DPYD: variants seen among roughly 807,000 people sequenced by gnomAD.
The protein encoded by DPYD is dihydropyrimidine dehydrogenase.
Under a neutral mutation model 116.2 loss-of-function variants are expected in DPYD, and 109 were observed. The ratio of observed to expected loss-of-function variants is 0.94; its 90% CI spans 0.80 to 1.10. The LOEUF (loss-of-function observed/expected upper bound fraction) is 1.10, where lower values mean the gene tolerates loss of function less well. Ranked by LOEUF, DPYD falls within the 50% of genes least tolerant of loss-of-function variation. The pLI is 0.00. For synonymous variants in DPYD, 440 were observed against 432.0 expected, an observed-to-expected ratio of 1.02 and a Z score of -0.23; for missense variants, 1,302 against 1,254.5, an observed-to-expected ratio of 1.04 and a Z score of -0.57.
At chr1:97,448,540 G>A (rs1338867393) in intron 14 of DPYD, among the ~76,000 whole-genome samples, 1 of 151,764 alleles carries the variant, frequency 6.6e-6, no homozygotes, top group Non-Finnish European at 1.5e-5. Flanking sequence ...TTATTATGTT[G>A]CATGTTCAGT....
At chr1:97,854,546 T>C (rs555592046) in intron 2 of DPYD, among the ~76,000 whole-genome samples, 26 of 152,230 alleles carry the variant, frequency 1.7e-4, no homozygotes, top group Admixed American at 3.3e-4. Context: ...TTCTGAACAC[T>C]AGCATGTAGA....
chr1:97,620,648 C>A (rs1656579247), intron 8 of DPYD, among the ~76,000 whole-genome samples: 1 of 152,148 alleles, frequency 6.6e-6, no homozygotes, highest in Admixed American at 6.6e-5. Flanking sequence ...TTCTGGATAT[C>A]TGGACAGGAA....
chr1:97,880,488 T>G (rs915508777), intron 2 of DPYD, among the ~76,000 whole-genome samples: 6 of 151,790 alleles, frequency 4.0e-5, no homozygotes, highest in Non-Finnish European at 7.4e-5. Context: ...CGAGAATAAC[T>G]TTCAACCCTA....
chr1:97,182,008 C>T (rs145671488), intron 20 of DPYD, among the ~76,000 whole-genome samples: 7 of 152,216 alleles, frequency 4.6e-5, no homozygotes, highest in African/African-American at 1.4e-4. Context: ...ATCCATGTAG[C>T]TGTTCCAAGC....
intron 16 of DPYD, among the ~76,000 whole-genome samples, chr1:97,313,497 C>CTGTGTG (rs58100703): frequency 0.063 from 9,359 of 148,650 alleles, 486 homozygotes; most frequent in East Asian, 0.18. Context: ...ACATGTGTGC[C>CTGTGTG]TGTGTGTGTG....
intron 5 of DPYD, among the ~76,000 whole-genome samples, chr1:97,701,436 C>T (rs1390982417): frequency 2.6e-5 from 4 of 151,470 alleles, no homozygotes; most frequent in African/African-American, 9.7e-5. Flanking sequence ...TAGAAGTGGC[C>T]AATGAATAAA....
rs1440762758 is a variant in DPYD at position 97,134,009 on chromosome 1, AAAAAAATATATATATATATATATAT to A, written c.2623-35402_2623-35378del. On this transcript the variant is annotated intron_variant, in intron 20 of 22. Coordinates refer to ENST00000370192, the MANE Select transcript of DPYD (RefSeq NM_000110.4). ...GCCAGACTCTGTTTCAAAAAAAAAA[AAAAAAATATATATATATATATATAT>A]ATATATATATATATATATATATATA... is the stretch of plus-strand genomic sequence containing the variant. 1.1e-3 allele frequency among the ~76,000 whole-genome samples: 51 copies of A among 47,888 alleles called. 11 individuals carry two copies. The highest frequency in any genetic ancestry group is 2.5e-3 in the South Asian group (3 of 1,192). The allele number at this position is 47,888 out of a possible 152,430, so 31.4% of individuals were successfully genotyped here.
At chr1:97,230,880 C>A (rs1272843044) in intron 19 of DPYD, among the ~76,000 whole-genome samples, 1 of 152,176 alleles carries the variant, frequency 6.6e-6, no homozygotes, top group Non-Finnish European at 1.5e-5. Context: ...AGGACTGTCC[C>A]ACTGGTTCTT....
chr1:97,458,286 T>C (rs1676811018), intron 13 of DPYD, among the ~76,000 whole-genome samples: 1 of 152,206 alleles, frequency 6.6e-6, no homozygotes, highest in Non-Finnish European at 1.5e-5. Context: ...AAATGACTAC[T>C]ATTTAAAGGA....
intron 3 of DPYD, among the ~76,000 whole-genome samples, chr1:97,758,106 A>G (rs1441970574): frequency 6.6e-6 from 1 of 152,198 alleles, no homozygotes; most frequent in Non-Finnish European, 1.5e-5. Context: ...GAAGACAAAT[A>G]AGAAAATCTA....
At chr1:97,478,617 C>T (rs757976388) in intron 13 of DPYD, among the ~76,000 whole-genome samples, 2 of 152,192 alleles carry the variant, frequency 1.3e-5, no homozygotes, top group African/African-American at 2.4e-5. Context: ...GCCCTAGGAC[C>T]TTCCAAATGG....
chr1:97,726,214 T>TTAAGAATAAAA, intron 4 of DPYD, among the ~76,000 whole-genome samples: 1 of 151,724 alleles, frequency 6.6e-6, no homozygotes, highest in East Asian at 1.9e-4. Flanking sequence ...GGTTGAATTT[T>TTAAGAATAAAA]TAAGAATAAA....
intron 14 of DPYD, among the ~76,000 whole-genome samples, chr1:97,434,916 G>A (rs144052512): frequency 2.0e-3 from 305 of 151,998 alleles, no homozygotes; most frequent in Non-Finnish European, 3.1e-3. Context: ...ATGCAATCAG[G>A]ATGATATTCA....
chr1:97,556,786 T>C (rs181177795), intron 11 of DPYD, among the ~76,000 whole-genome samples: 16,792 of 150,624 alleles, frequency 0.11, 990 homozygotes, highest in African/African-American at 0.16. Context: ...TCCAAGTCTT[T>C]GCTATTGTGA....
intron 8 of DPYD, among the ~76,000 whole-genome samples, chr1:97,617,054 T>G (rs1397600683): frequency 2.0e-5 from 3 of 152,230 alleles, no homozygotes; most frequent in African/African-American, 7.2e-5. Flanking sequence ...ATACAAAAAT[T>G]AGCTGGGCAT....
chr1:97,386,968 T>C (rs1315107833), intron 14 of DPYD, among the ~76,000 whole-genome samples: 1 of 151,952 alleles, frequency 6.6e-6, no homozygotes, highest in Admixed American at 6.6e-5. Context: ...TTTTTTTTCC[T>C]AAGAAAAAAA....
intron 4 of DPYD, among the ~76,000 whole-genome samples, chr1:97,733,419 C>T (rs992291481): frequency 6.6e-6 from 1 of 151,928 alleles, no homozygotes; most frequent in South Asian, 2.1e-4. Flanking sequence ...ACATCCTCCC[C>T]TTTTTTGTTT....
chr1:97,777,482 C>T (rs968626911), intron 3 of DPYD, among the ~76,000 whole-genome samples: 2 of 152,130 alleles, frequency 1.3e-5, no homozygotes, highest in Non-Finnish European at 2.9e-5. Flanking sequence ...CAGAAGGGAC[C>T]TTACAGATGA....
intron 11 of DPYD, among the ~76,000 whole-genome samples, chr1:97,551,911 G>A (rs1651349022): frequency 6.6e-6 from 1 of 152,096 alleles, no homozygotes. Flanking sequence ...TATATATACA[G>A]CATATACATT....
Sources: gnomAD v4.1 joint callset for allele counts (sites outside exome capture counted in the v4.1 genomes callset) on GRCh38, gnomAD v4.1.1 for gene constraint, MANE v1.5 for transcripts, NCBI Gene and HGNC (gene_info 2026-07-23, HGNC 2026-07-21) for gene names.